The following ARID5B variants were observed in gnomAD, a reference collection of about 807,000 sequenced individuals.
ARID5B encodes AT-rich interactive domain-containing protein 5B.
ARID5B carries 13 observed loss-of-function variants against 97.2 expected under a neutral mutation model. The observed-to-expected ratio is 0.13, with a 90% CI of 0.09 to 0.21. ARID5B has a LOEUF of 0.21. Ranked by LOEUF, ARID5B falls within the 10% of genes least tolerant of loss-of-function variation. The probability of loss-of-function intolerance (pLI) is 1.00; values close to 1 mark genes in which losing one functional copy is unlikely to be tolerated. For missense variants in ARID5B, 1,210 were observed against 1,465.3 expected (o/e 0.83, Z 2.84); for synonymous variants, 556 against 570.3 (o/e 0.97, Z 0.36).
At chr10:62,078,521 A>T (rs1840167852) in intron 8 of ARID5B, among the ~76,000 whole-genome samples, 1 of 152,202 alleles carries the variant, frequency 6.6e-6, no homozygotes, top group Non-Finnish European at 1.5e-5. Context: ...CTTGAAATGG[A>T]TCCATACAAC....
At chr10:61,911,526 A>G (rs1387371465) in intron 2 of ARID5B, among the ~76,000 whole-genome samples, 1 of 152,246 alleles carries the variant, frequency 6.6e-6, no homozygotes, top group African/African-American at 2.4e-5. Flanking sequence ...TGGGAAATAC[A>G]TAATTGAAAT....
At chr10:61,984,192 A>C (rs1231077895) in intron 3 of ARID5B, among the ~76,000 whole-genome samples, 1 of 152,132 alleles carries the variant, frequency 6.6e-6, no homozygotes, top group Non-Finnish European at 1.5e-5. Context: ...CCTGGGCTCC[A>C]CTGTTTCTTT....
At chr10:61,938,835 G>A (rs1844348743) in intron 2 of ARID5B, among the ~76,000 whole-genome samples, 1 of 151,338 alleles carries the variant, frequency 6.6e-6, no homozygotes, top group Non-Finnish European at 1.5e-5. Context: ...AAGCAGCTTG[G>A]AACTCAATGA....
chr10:61,971,169 AT>A (rs1197368259), intron 3 of ARID5B, among the ~76,000 whole-genome samples: 2 of 152,212 alleles, frequency 1.3e-5, no homozygotes, highest in African/African-American at 4.8e-5. Flanking sequence ...TCTGAACCTC[AT>A]TTGTAGGAAA....
intron 2 of ARID5B, among the ~76,000 whole-genome samples, chr10:61,915,883 A>G (rs13376800): frequency 0.1 from 15,429 of 151,920 alleles, 1,929 homozygotes; most frequent in African/African-American, 0.3. Context: ...AGCCTCTGGA[A>G]TAGCTGGGAT....
rs573925270 is a variant in ARID5B, at chr10:62,024,990, C to A, written c.733+24669C>A. ...AAAGTCTTGCAGGTTAAGTATAATT[C>A]GTTTTCGTAGAACATTATTTGTAGA... On this transcript the variant is annotated intron_variant, in intron 4 of 9. Coordinates refer to ENST00000279873, the MANE Select transcript of ARID5B (RefSeq NM_032199.3). 31 of 231,996 alleles carry A rather than the reference C, an allele frequency of 1.3e-4. No individual in the cohort carries two copies. The South Asian group carries it at 2.7e-3, about 20-fold the overall frequency. The allele number at this position is 231,996 out of a possible 1,614,324, so 14.4% of individuals were successfully genotyped here. A position where few individuals can be genotyped will look rare whatever the true frequency, so the allele number is the denominator to read the frequency against.
chr10:61,942,827 T>TA (rs1564608877), intron 3 of ARID5B, among the ~76,000 whole-genome samples: 3 of 151,336 alleles, frequency 2.0e-5, no homozygotes, highest in East Asian at 1.9e-4. Context: ...AAAAAAGGCT[T>TA]TTAGGTTGAG....
intron 4 of ARID5B, among the ~76,000 whole-genome samples, chr10:62,002,122 G>A (rs1009551022): frequency 3.9e-5 from 6 of 152,212 alleles, no homozygotes; most frequent in South Asian, 4.1e-4. Context: ...GTTTCACAAC[G>A]TAATATGAGG....
At position 62,092,218 on chromosome 10, in the gene ARID5B, G is replaced by C. The variant is rs776070701; in HGVS notation, c.2755G>C (p.Gly919Arg). 2 of 1,610,964 alleles carry C rather than the reference G, an allele frequency of 1.2e-6. No homozygotes were observed. The highest frequency in any genetic ancestry group is 2.2e-5 in the South Asian group (2 of 90,502). The part of the protein sequence containing the change: ...SLPKNPHKPT[G>R]KVLGLAHSTT... Reference sequence around the variant, plus strand: ...TCCCAAGAACCCGCACAAACCTACCGGCAAGGTCCTGGGCCTGGCTCATTC... The same window carrying C: ...TCCCAAGAACCCGCACAAACCTACCCGCAAGGTCCTGGGCCTGGCTCATTC... The change falls in exon 10 of 10, where the codon GGC (glycine) becomes CGC (arginine). Residue 919 changes from glycine (G) to arginine (R), a missense_variant. By Grantham distance (125) the Gly-to-Arg change is moderately radical (BLOSUM62 -2). Coordinates refer to ENST00000279873, the MANE Select transcript of ARID5B (RefSeq NM_032199.3).
At chr10:61,983,625 G>T (rs1838806613) in intron 3 of ARID5B, among the ~76,000 whole-genome samples, 1 of 151,930 alleles carries the variant, frequency 6.6e-6, no homozygotes, top group Non-Finnish European at 1.5e-5. Context: ...ATCACATCAG[G>T]TTTGAAGTTC....
intron 2 of ARID5B, among the ~76,000 whole-genome samples, chr10:61,938,011 A>G (rs370721166): frequency 7.9e-5 from 12 of 152,284 alleles, no homozygotes; most frequent in African/African-American, 2.9e-4. Flanking sequence ...AATTAAGCCA[A>G]ACTTGGGTTT....
intron 3 of ARID5B, among the ~76,000 whole-genome samples, chr10:61,947,844 A>C (rs1165593221): frequency 6.6e-6 from 1 of 152,220 alleles, no homozygotes. Flanking sequence ...GTCGTTGATA[A>C]TGCTGCCCAG....
chr10:62,037,322 CAG>C (rs1262677141), intron 4 of ARID5B, among the ~76,000 whole-genome samples: 1 of 152,100 alleles, frequency 6.6e-6, no homozygotes, highest in African/African-American at 2.4e-5. Flanking sequence ...CTGTTGATTC[CAG>C]AGAGTTAGGG....
chr10:61,955,991 G>A (rs1838386609), intron 3 of ARID5B, among the ~76,000 whole-genome samples: 1 of 152,162 alleles, frequency 6.6e-6, no homozygotes, highest in Non-Finnish European at 1.5e-5. Context: ...TTTTCAATGA[G>A]TGGGAATTTT....
At chr10:62,062,801 A>G (rs1013983291) in intron 7 of ARID5B, among the ~76,000 whole-genome samples, 1 of 149,604 alleles carries the variant, frequency 6.7e-6, no homozygotes, top group Non-Finnish European at 1.5e-5. Flanking sequence ...AAAAAAAAAA[A>G]AAAGTATGCC....
chr10:61,947,898 G>A (rs1838260943), intron 3 of ARID5B, among the ~76,000 whole-genome samples: 1 of 152,186 alleles, frequency 6.6e-6, no homozygotes, highest in Non-Finnish European at 1.5e-5. Context: ...TCCAAGTTAA[G>A]ACCCTTTCAT....
intron 1 of ARID5B, 58 bp downstream of exon 1, chr10:61,901,788 C>T: frequency 2.0e-6 from 3 of 1,513,698 alleles, no homozygotes; most frequent in Non-Finnish European, 2.7e-6. Context: ...CCCCAACCCC[C>T]CAGCTCACCC....
At chr10:62,026,091 G>A (rs891195870) in intron 4 of ARID5B, among the ~76,000 whole-genome samples, 2 of 152,176 alleles carry the variant, frequency 1.3e-5, no homozygotes, top group African/African-American at 4.8e-5. Context: ...TCTTTCAGTC[G>A]GGTTCAGATT....
intron 3 of ARID5B, among the ~76,000 whole-genome samples, chr10:61,995,324 A>C (rs569585014): frequency 6.6e-6 from 1 of 152,328 alleles, no homozygotes; most frequent in East Asian, 1.9e-4. Flanking sequence ...TTCATGGGTA[A>C]CTTTGCACAG....
Sources: allele counts gnomAD v4.1 joint callset (sites outside exome capture counted in the v4.1 genomes callset), GRCh38; gene constraint gnomAD v4.1.1; transcripts MANE v1.5; gene names NCBI Gene and HGNC (gene_info 2026-07-23, HGNC 2026-07-21).